The following CCDC43 variants were observed in gnomAD, a reference collection of about 807,000 sequenced individuals.
CCDC43 encodes coiled-coil domain containing 43.
In CCDC43, 20 loss-of-function variants were observed where a neutral mutation model predicts 33.3. That is an observed-to-expected ratio of 0.60 (90% CI 0.42 to 0.87). The LOEUF (loss-of-function observed/expected upper bound fraction) is 0.87, where lower values mean the gene tolerates loss of function less well. CCDC43 is among the 40% of genes least tolerant of loss of function. The pLI is 0.00. For missense variants in CCDC43, 248 were observed against 269.9 expected (o/e 0.92, Z 0.57); for synonymous variants, 104 against 106.5 (o/e 0.98, Z 0.14).
intron 2 of CCDC43, 133 bp from the exon 3 acceptor site, chr17:44,682,271 G>T: frequency 9.5e-7 from 1 of 1,057,282 alleles, no homozygotes; most frequent in Non-Finnish European, 1.4e-6. Flanking sequence ...CAGTTCAAAG[G>T]ACATGGCTCG....
chr17:44,687,232 C>T (rs1972250932), intron 1 of CCDC43, among the ~76,000 whole-genome samples: 1 of 151,874 alleles, frequency 6.6e-6, no homozygotes, highest in Non-Finnish European at 1.5e-5. Context: ...CACTTGAGGT[C>T]AGGAGTTTGA....
chr17:44,687,482 T>C (rs1972256186), intron 1 of CCDC43, among the ~76,000 whole-genome samples: 1 of 151,948 alleles, frequency 6.6e-6, no homozygotes, highest in Non-Finnish European at 1.5e-5. Flanking sequence ...CCAGGCATGA[T>C]ATGTGATGGC....
At chr17:44,682,409 A>AAAAT (rs1429361061) in intron 2 of CCDC43, among the ~76,000 whole-genome samples, 3 of 151,496 alleles carry the variant, frequency 2.0e-5, no homozygotes, top group Non-Finnish European at 4.4e-5. Context: ...AAAAAAAAAA[A>AAAAT]AAAAGGTTGA....
At chr17:44,687,312 A>G (rs1972252479) in intron 1 of CCDC43, among the ~76,000 whole-genome samples, 2 of 152,016 alleles carry the variant, frequency 1.3e-5, no homozygotes, top group Non-Finnish European at 2.9e-5. Context: ...GCATGGTGGC[A>G]TATGCCTGTA....
chr17:44,686,457 C>T (rs932396796), intron 1 of CCDC43, among the ~76,000 whole-genome samples: 1 of 152,150 alleles, frequency 6.6e-6, no homozygotes. Flanking sequence ...AGTGGTACAG[C>T]TCTTTTAAAA....
chr17:44,686,215 G>A (rs1972234270), intron 1 of CCDC43, among the ~76,000 whole-genome samples: 1 of 152,174 alleles, frequency 6.6e-6, no homozygotes, highest in Non-Finnish European at 1.5e-5. Flanking sequence ...GCCCAGCCGA[G>A]CCCATGTTCT....
chr17:44,681,952 T>C, intron 3 of CCDC43, 51 bp downstream of exon 3: 1 of 1,610,596 alleles, frequency 6.2e-7, no homozygotes, highest in Non-Finnish European at 8.5e-7. Context: ...AACCCACAAA[T>C]ATGTCTGGCT....
Position 44,689,748 on chromosome 17 carries a change from C to G in CCDC43, c.6G>C (p.Ala2=). The G allele has an allele frequency of 6.4e-7, 1 of 1,555,268 alleles. No individual in the cohort carries two copies. The highest frequency in any genetic ancestry group is 2.4e-5 in the East Asian group (1 of 41,398). The change falls in exon 1 of 5, where the codon GCG becomes GCC. Residue 2 remains alanine, a synonymous_variant. Coordinates refer to ENST00000315286, the MANE Select transcript of CCDC43 (RefSeq NM_144609.3). ...CTATCGCGGCCACTTCGCTGGGCGC[C>G]GCCATCTTGGGGTCAGGGTCCTGCA... The part of the protein sequence containing the change: M[A]APSEVAAIAP...
At chr17:44,684,671 TGGGAGAG>T (rs1972209599) in intron 1 of CCDC43, among the ~76,000 whole-genome samples, 1 of 150,020 alleles carries the variant, frequency 6.7e-6, no homozygotes, top group Non-Finnish European at 1.5e-5. Flanking sequence ...CACTCCAGCC[TGGGAGAG>T]GGGAGAGAAA....
intron 1 of CCDC43, among the ~76,000 whole-genome samples, chr17:44,685,652 G>A (rs1252394166): frequency 2.0e-5 from 3 of 152,030 alleles, no homozygotes; most frequent in South Asian, 2.1e-4. Context: ...TCTTCATTAC[G>A]GCTGCATTCC....
At chr17:44,685,965 G>C (rs900038884) in intron 1 of CCDC43, among the ~76,000 whole-genome samples, 2 of 151,946 alleles carry the variant, frequency 1.3e-5, no homozygotes, top group African/African-American at 4.8e-5. Flanking sequence ...CCAGGCTGGA[G>C]TGCAGTGGCG....
In CCDC43 at chr17:44,689,717, C is replaced by T. The variant is rs1255313252; in HGVS notation, c.37G>A (p.Gly13Ser). Residue 13 changes from glycine to serine, a missense_variant, in exon 1 of 5, where the codon GGC becomes AGC. Transcript: ENST00000315286. ...CCGCCGCCTCCGCCATCGCCTTCGC[C>T]AGGGGCTATCGCGGCCACTTCGCTG... Reference protein sequence around the residue: ...APSEVAAIAPGEGDGGGGGFG... With the variant: ...APSEVAAIAPSEGDGGGGGFG... The T allele has an allele frequency of 1.3e-6, 2 of 1,592,178 alleles. No individual in the cohort carries two copies. Among genetic ancestry groups the T allele is most frequent in the African/African-American group, 2.7e-5 (2 of 74,526 alleles).
rs1411028611 is a variant in CCDC43 at position 44,683,814 on chromosome 17, T to A, written c.292+58A>T. ...TGAAAAGATCTCTTCCTAACAGCTATACAGTCAAGGCTGCTGGAAAAGGCT... is the reference window on the plus strand; with the variant it reads ...TGAAAAGATCTCTTCCTAACAGCTAAACAGTCAAGGCTGCTGGAAAAGGCT... On this transcript the variant is annotated intron_variant, in intron 2 of 4. Transcript: ENST00000315286. 11 of 1,180,034 alleles carry A rather than the reference T, an allele frequency of 9.3e-6. No individual in the cohort carries two copies. The African/African-American group carries it at 1.5e-4, about 16-fold the overall frequency. 73.1% of individuals were successfully genotyped at this position (1,180,034 alleles called of 1,614,324 possible). A position where few individuals can be genotyped will look rare whatever the true frequency, so the allele number is the denominator to read the frequency against.
chr17:44,684,473 G>A (rs765458907), intron 1 of CCDC43, among the ~76,000 whole-genome samples: 21 of 151,988 alleles, frequency 1.4e-4, no homozygotes, highest in Non-Finnish European at 1.6e-4. Context: ...TGAGGAGGGC[G>A]GATCACTTGA....
At chr17:44,687,457 A>T (rs1015694967) in intron 1 of CCDC43, among the ~76,000 whole-genome samples, 1 of 62,968 alleles carries the variant, frequency 1.6e-5, no homozygotes, top group Non-Finnish European at 5.3e-5. Flanking sequence ...CATAAAACAT[A>T]AAAAAAAAAG....
chr17:44,683,264 A>G (rs1972188346), intron 2 of CCDC43, among the ~76,000 whole-genome samples: 1 of 152,310 alleles, frequency 6.6e-6, no homozygotes, highest in South Asian at 2.1e-4. Context: ...GCTGTAGCTC[A>G]TGCCTGTAAT....
intron 1 of CCDC43, among the ~76,000 whole-genome samples, chr17:44,688,560 C>T (rs1220480220): frequency 6.6e-6 from 1 of 152,152 alleles, no homozygotes; most frequent in Non-Finnish European, 1.5e-5. Context: ...GAGGATAAAG[C>T]CTTTGATGGA....
chr17:44,680,529 A>G, intron 4 of CCDC43, 56 bp downstream of exon 4: 1 of 1,289,836 alleles, frequency 7.8e-7, no homozygotes. Flanking sequence ...CAAAATAAAA[A>G]CTGATCTCAA....
chr17:44,681,792 A>G, intron 3 of CCDC43: 1 of 572,062 alleles, frequency 1.7e-6, no homozygotes, highest in East Asian at 3.0e-5. Flanking sequence ...GTTTTCAGGA[A>G]TATAATGATT....
Sources: gnomAD v4.1 joint callset for allele counts (sites outside exome capture counted in the v4.1 genomes callset) on GRCh38, gnomAD v4.1.1 for gene constraint, MANE v1.5 for transcripts, NCBI Gene and HGNC (gene_info 2026-07-23, HGNC 2026-07-21) for gene names.